MMP16: variants seen among roughly 807,000 people sequenced by gnomAD.
MMP16 encodes matrix metalloproteinase-16.
Under a neutral mutation model 67.8 loss-of-function variants are expected in MMP16, and 12 were observed. That is an observed-to-expected ratio of 0.18 (90% CI 0.11 to 0.29). The LOEUF is 0.29. Among genes scored for constraint, MMP16 ranks in the 10% least tolerant of loss-of-function variants. MMP16 has a pLI of 1.00. For missense variants in MMP16, 475 were observed against 765.7 expected (o/e 0.62, Z 4.48); for synonymous variants, 249 against 255.9 (o/e 0.97, Z 0.26).
intron 1 of MMP16, among the ~76,000 whole-genome samples, chr8:88,318,237 A>G (rs1034412081): frequency 6.6e-6 from 1 of 152,216 alleles, no homozygotes; most frequent in Non-Finnish European, 1.5e-5. Context: ...GGTAAACTGC[A>G]ATATAACAAA....
intron 3 of MMP16, among the ~76,000 whole-genome samples, chr8:88,170,464 C>G (rs1213683758): frequency 1.3e-5 from 2 of 152,162 alleles, no homozygotes; most frequent in East Asian, 3.9e-4. Flanking sequence ...TCCTAATAGT[C>G]TTTTATTTTC....
At chr8:88,136,107 C>T (rs1426165419) in intron 4 of MMP16, among the ~76,000 whole-genome samples, 1 of 151,756 alleles carries the variant, frequency 6.6e-6, no homozygotes, top group Non-Finnish European at 1.5e-5. Flanking sequence ...AGTGAGTAGC[C>T]TACTGGGAAG....
intron 4 of MMP16, among the ~76,000 whole-genome samples, chr8:88,159,469 G>A (rs1808574249): frequency 6.6e-6 from 1 of 152,138 alleles, no homozygotes; most frequent in East Asian, 1.9e-4. Flanking sequence ...CTGTTTGTCT[G>A]TTATTGGTAT....
intron 3 of MMP16, among the ~76,000 whole-genome samples, chr8:88,184,332 C>T (rs146835872): frequency 2.2e-4 from 34 of 151,836 alleles, no homozygotes; most frequent in African/African-American, 6.8e-4. Context: ...ATATCTCATC[C>T]AAGGTTTGCC....
chr8:88,286,150 C>T lies in MMP16; in HGVS notation c.132+40925G>A, dbSNP rs188015329. On this transcript the variant is annotated intron_variant, in intron 1 of 9. Transcript: ENST00000286614. ...TTCCCACTCAATACACTTTTTCTTT[C>T]ACCTTCCTGGCCCAGTGCACTACAT... 4.9e-3 allele frequency among the ~76,000 whole-genome samples: 748 copies of T among 152,270 alleles called. 5 individuals carry two copies. Among genetic ancestry groups the T allele is most frequent in the Non-Finnish European group, 5.4e-3 (366 of 68,012 alleles).
At chr8:88,232,541 C>T (rs1406702754) in intron 1 of MMP16, among the ~76,000 whole-genome samples, 3 of 152,096 alleles carry the variant, frequency 2.0e-5, no homozygotes, top group East Asian at 1.9e-4. Flanking sequence ...ACATATGTTC[C>T]GTATGGTGAG....
chr8:88,052,522 C>A (rs546185049), intron 8 of MMP16, among the ~76,000 whole-genome samples: 62 of 152,294 alleles, frequency 4.1e-4, no homozygotes, highest in African/African-American at 1.4e-3. Flanking sequence ...CACATAGAAG[C>A]CAGCACAATC....
At chr8:88,059,654 A>G (rs112886087) in intron 7 of MMP16, among the ~76,000 whole-genome samples, 3,491 of 152,118 alleles carry the variant, frequency 0.023, 48 homozygotes, top group Non-Finnish European at 0.034. Context: ...CTTTTTACCA[A>G]TGGTCCTTTA....
intron 1 of MMP16, among the ~76,000 whole-genome samples, chr8:88,277,789 C>T (rs1189725251): frequency 1.3e-5 from 2 of 152,160 alleles, no homozygotes; most frequent in African/African-American, 4.8e-5. Flanking sequence ...ACTTACTTTT[C>T]ATCTATAAGA....
chr8:88,176,964 G>T (rs954887227), intron 3 of MMP16, among the ~76,000 whole-genome samples: 1 of 152,120 alleles, frequency 6.6e-6, no homozygotes, highest in Non-Finnish European at 1.5e-5. Context: ...GAATTGCATC[G>T]ATTTTGTGGA....
intron 3 of MMP16, among the ~76,000 whole-genome samples, chr8:88,185,080 G>A (rs1809052592): frequency 6.6e-6 from 1 of 152,112 alleles, no homozygotes; most frequent in African/African-American, 2.4e-5. Flanking sequence ...CTTATCTGCA[G>A]AAATAATTAA....
At chr8:88,147,796 T>G (rs1241937930) in intron 4 of MMP16, among the ~76,000 whole-genome samples, 7 of 151,988 alleles carry the variant, frequency 4.6e-5, no homozygotes, top group Non-Finnish European at 5.9e-5. Flanking sequence ...TGTGTGTGTG[T>G]GTGCATGCAC....
At chr8:88,183,666 T>C (rs995241441) in intron 3 of MMP16, among the ~76,000 whole-genome samples, 1 of 151,424 alleles carries the variant, frequency 6.6e-6, no homozygotes, top group Non-Finnish European at 1.5e-5. Flanking sequence ...GAAAGTGTAG[T>C]ATTTATTTTC....
At chr8:88,239,058 T>A (rs1342280545) in intron 1 of MMP16, among the ~76,000 whole-genome samples, 1 of 152,080 alleles carries the variant, frequency 6.6e-6, no homozygotes. Context: ...TTGCCTCACC[T>A]CCTTGTCCAC....
At chr8:88,128,020 T>C (rs769206919) in intron 4 of MMP16, among the ~76,000 whole-genome samples, 3 of 151,852 alleles carry the variant, frequency 2.0e-5, no homozygotes, top group Non-Finnish European at 4.4e-5. Context: ...TTGAGCTTAC[T>C]GTCATGCAAA....
At chr8:88,206,925 C>G (rs1809437798) in intron 1 of MMP16, among the ~76,000 whole-genome samples, 2 of 152,096 alleles carry the variant, frequency 1.3e-5, no homozygotes, top group Non-Finnish European at 2.9e-5. Context: ...CCTCTGGTAA[C>G]TACAGTTGAC....
chr8:88,043,801 G>A (rs1032832841), intron 9 of MMP16, among the ~76,000 whole-genome samples: 2 of 152,152 alleles, frequency 1.3e-5, no homozygotes, highest in African/African-American at 4.8e-5. Context: ...ATTTGATCAC[G>A]TTAATGAAAT....
intron 1 of MMP16, among the ~76,000 whole-genome samples, chr8:88,321,697 A>T (rs1479693708): frequency 6.6e-6 from 1 of 152,186 alleles, no homozygotes; most frequent in African/African-American, 2.4e-5. Flanking sequence ...CAGGGTCAAT[A>T]TTGCATTTCC....
At chr8:88,092,798 CGA>C (rs1445223802) in intron 6 of MMP16, among the ~76,000 whole-genome samples, 1 of 151,620 alleles carries the variant, frequency 6.6e-6, no homozygotes, top group Admixed American at 6.6e-5. Context: ...AGTTTTATAT[CGA>C]GATATAGTAA....
Sources: gnomAD v4.1 joint callset for allele counts (sites outside exome capture counted in the v4.1 genomes callset) on GRCh38, gnomAD v4.1.1 for gene constraint, MANE v1.5 for transcripts, NCBI Gene and HGNC (gene_info 2026-07-23, HGNC 2026-07-21) for gene names.